Variants in DISC1 observed in about 807,000 individuals in gnomAD.
The protein encoded by DISC1 is disrupted in schizophrenia 1 protein.
DISC1 carries 57 observed loss-of-function variants against 84.5 expected under a neutral mutation model. The observed-to-expected ratio is 0.67, with a 90% CI of 0.55 to 0.84. The LOEUF (loss-of-function observed/expected upper bound fraction) is 0.84. Ranked by LOEUF, DISC1 falls within the 40% of genes least tolerant of loss-of-function variation. The pLI is 0.00. For synonymous variants in DISC1, 411 were observed against 415.2 expected (o/e 0.99, Z 0.12); for missense variants, 1,000 against 1,057.8 (o/e 0.95, Z 0.76).
intron 9 of DISC1, among the ~76,000 whole-genome samples, chr1:231,825,370 A>T (rs2081789540): frequency 6.6e-6 from 1 of 152,224 alleles, no homozygotes. Flanking sequence ...TCTCTTAAAT[A>T]TCTGCCAGAT....
At chr1:231,834,176 T>C (rs914155704) in intron 9 of DISC1, among the ~76,000 whole-genome samples, 7 of 152,082 alleles carry the variant, frequency 4.6e-5, no homozygotes, top group East Asian at 3.9e-4. Context: ...GGGCTAGTCA[T>C]GGAACGAAAC....
intron 10 of DISC1, among the ~76,000 whole-genome samples, chr1:232,002,595 GCACACACACACACACACA>G (rs55740228): frequency 2.3e-4 from 33 of 143,684 alleles, no homozygotes; most frequent in South Asian, 4.6e-4. Flanking sequence ...ATTATGCTGA[GCACACACACACACACACA>G]CACACACACA....
At chr1:231,814,475 C>T (rs2080685612) in intron 8 of DISC1, among the ~76,000 whole-genome samples, 1 of 152,182 alleles carries the variant, frequency 6.6e-6, no homozygotes, top group South Asian at 2.1e-4. Context: ...TGAAAAATCA[C>T]ATATCACTCA....
At chr1:231,999,848 A>ACAG (rs1553418018) in intron 10 of DISC1, among the ~76,000 whole-genome samples, 1 of 150,284 alleles carries the variant, frequency 6.7e-6, no homozygotes, top group Non-Finnish European at 1.5e-5. Context: ...AACAACAACA[A>ACAG]AACAACCAAC....
intron 3 of DISC1, among the ~76,000 whole-genome samples, chr1:231,731,817 T>G (rs2071552665): frequency 1.3e-5 from 2 of 152,208 alleles, no homozygotes; most frequent in Non-Finnish European, 2.9e-5. Flanking sequence ...TTTCTTCCCC[T>G]GCCTCACAGC....
At chr1:231,726,789 T>C (rs2070777403) in intron 3 of DISC1, among the ~76,000 whole-genome samples, 1 of 152,196 alleles carries the variant, frequency 6.6e-6, no homozygotes, top group African/African-American at 2.4e-5. Context: ...GAAGTGGTTT[T>C]AGAATATCAG....
At chr1:231,760,315 C>A (rs1024819003) in intron 4 of DISC1, among the ~76,000 whole-genome samples, 9 of 152,142 alleles carry the variant, frequency 5.9e-5, no homozygotes, top group African/African-American at 1.9e-4. Flanking sequence ...GTGTAAAGTG[C>A]ACTTCATTGG....
In DISC1 at chr1:231,985,042, C is replaced by T. The variant is rs569201195; in HGVS notation, c.2043-23743C>T. Among the ~76,000 whole-genome samples the T allele has an allele frequency of 5.0e-3, 763 of 152,104 alleles. 3 individuals are homozygous for T. Among genetic ancestry groups the T allele is most frequent in the Non-Finnish European group, 7.7e-3 (523 of 67,976 alleles). ...GTCTATACAAGAAAATAAAGTAGGC[C>T]GGCCATGGTGGCTCACGCTTGTAAT... On this transcript the variant is annotated intron_variant, in intron 10 of 12. Coordinates refer to ENST00000439617, the MANE Select transcript of DISC1 (RefSeq NM_018662.3).
chr1:231,957,141 G>A (rs1400371779), intron 9 of DISC1, among the ~76,000 whole-genome samples: 1 of 152,092 alleles, frequency 6.6e-6, no homozygotes, highest in Non-Finnish European at 1.5e-5. Flanking sequence ...CGCTTGATTG[G>A]ACCTGGGTTG....
intron 9 of DISC1, among the ~76,000 whole-genome samples, chr1:231,890,466 T>A (rs564643640): frequency 5.3e-5 from 8 of 152,308 alleles, no homozygotes; most frequent in African/African-American, 1.7e-4. Context: ...AATAAGTACT[T>A]GAAATTCCTT....
intron 9 of DISC1, among the ~76,000 whole-genome samples, chr1:231,928,567 T>G (rs2090479418): frequency 6.6e-6 from 1 of 152,236 alleles, no homozygotes; most frequent in Non-Finnish European, 1.5e-5. Context: ...TCAGTTCTGC[T>G]CTGATCTTAT....
chr1:231,720,581 C>A (rs1241098016), intron 3 of DISC1, among the ~76,000 whole-genome samples: 1 of 152,136 alleles, frequency 6.6e-6, no homozygotes, highest in African/African-American at 2.4e-5. Flanking sequence ...CTCAAGCGAT[C>A]CTCCCACTTC....
intron 9 of DISC1, among the ~76,000 whole-genome samples, chr1:231,887,739 A>G (rs919561308): frequency 6.6e-6 from 1 of 152,254 alleles, no homozygotes. Context: ...TGAGGATTTA[A>G]ACTAATTACC....
intron 3 of DISC1, among the ~76,000 whole-genome samples, chr1:231,713,699 A>ATATATATATATATATATATG (rs1271823519): frequency 2.8e-5 from 3 of 108,636 alleles, no homozygotes; most frequent in African/African-American, 1.3e-4. Context: ...ATATATATAT[A>ATATATATATATATATATATG]GGAGATATAT....
Position 231,675,524 on chromosome 1 carries a change from A to G in DISC1, c.68-18302A>G, listed in dbSNP as rs1309072496. Among the ~76,000 whole-genome samples, 1 of 152,138 alleles carries G rather than the reference A, an allele frequency of 6.6e-6. No homozygotes were observed. Among genetic ancestry groups the G allele is most frequent in the Non-Finnish European group, 1.5e-5 (1 of 68,024 alleles). On this transcript the variant is annotated intron_variant, in intron 1 of 12. Coordinates refer to ENST00000439617, the MANE Select transcript of DISC1 (RefSeq NM_018662.3). This position sits in a 1 kb window ranked among gnomAD's most constrained non-coding sequence, Gnocchi z 4.1. ...GATGCTATTTGTACATTTCTCCCTC[A>G]TACATGTACATTTACTCTCAAAATT... is the stretch of plus-strand genomic sequence containing the variant.
chr1:231,753,011 G>A (rs2074774730), intron 4 of DISC1, among the ~76,000 whole-genome samples: 1 of 152,260 alleles, frequency 6.6e-6, no homozygotes, highest in Non-Finnish European at 1.5e-5. Context: ...GGCTTTGCAG[G>A]GTTCAGATGC....
At chr1:231,884,473 C>T (rs1335039663) in intron 9 of DISC1, among the ~76,000 whole-genome samples, 1 of 152,002 alleles carries the variant, frequency 6.6e-6, no homozygotes, top group Non-Finnish European at 1.5e-5. Context: ...GTATTTGTAC[C>T]ACATTTTCTT....
intron 2 of DISC1, among the ~76,000 whole-genome samples, chr1:231,695,262 C>T (rs937691467): frequency 1.3e-5 from 2 of 152,216 alleles, no homozygotes; most frequent in Admixed American, 6.5e-5. Context: ...CTGCTGCCTT[C>T]CACAGGGTCG....
rs1312422790 is a variant in DISC1, at chr1:231,818,496, G to A, written c.1960G>A (p.Glu654Lys). Residue 654 changes from glutamate (E) to lysine (K), a missense_variant, in exon 9 of 13, where the codon GAG becomes AAG. By Grantham distance (56) the Glu-to-Lys change is moderately conservative. Around this residue, in one of 3 missense-constraint regions of DISC1, gnomAD observed 397 missense variants for 377.5 expected, o/e 1.05. Coordinates refer to ENST00000439617, the MANE Select transcript of DISC1 (RefSeq NM_018662.3). The stretch of plus-strand genomic sequence containing the variant: ...TTACAACAGACTGAGAAGAGAAGTG[G>A]AGCACCAGGAGACTGCCTATGGTAG... ...EDYNRLRREV[E>K]HQETAYETSV... The A allele has an allele frequency of 2.5e-6, 4 of 1,614,126 alleles. No individual in the cohort carries two copies. The East Asian group carries it at 6.7e-5, about 27-fold the overall frequency.
Sources: gnomAD v4.1 joint callset for allele counts (sites outside exome capture counted in the v4.1 genomes callset) on GRCh38, gnomAD v4.1.1 for gene constraint, gnomAD v4.1.1 regional missense constraint, Gnocchi (gnomAD v3.1) non-coding constraint, MANE v1.5 for transcripts, NCBI Gene and HGNC (gene_info 2026-07-23, HGNC 2026-07-21) for gene names.